B4GALT1: variants seen among roughly 807,000 people sequenced by gnomAD.
B4GALT1 encodes N-acetyllactosamine synthase.
A neutral mutation model predicts 34.9 loss-of-function variants in B4GALT1; 16 were observed. That is an observed-to-expected ratio of 0.46 (90% CI 0.31 to 0.70). The LOEUF (loss-of-function observed/expected upper bound fraction) is 0.70, where lower values mean the gene tolerates loss of function less well. Among genes scored for constraint, B4GALT1 ranks in the 30% least tolerant of loss-of-function variants. The pLI, the probability that B4GALT1 is intolerant of heterozygous loss-of-function variation, is 0.05. For missense variants in B4GALT1, 445 were observed against 530.5 expected, an observed-to-expected ratio of 0.84 and a Z score of 1.58; for synonymous variants, 221 against 218.1, an observed-to-expected ratio of 1.01 and a Z score of -0.12.
chr9:33,141,695 C>T (rs762710747), intron 1 of B4GALT1, among the ~76,000 whole-genome samples: 9 of 152,156 alleles, frequency 5.9e-5, no homozygotes, highest in Admixed American at 5.9e-4. Flanking sequence ...TCCATCAGGG[C>T]CCCTCAGTTC....
intron 1 of B4GALT1, among the ~76,000 whole-genome samples, chr9:33,148,017 G>A (rs1397917633): frequency 6.6e-6 from 1 of 151,884 alleles, no homozygotes; most frequent in Non-Finnish European, 1.5e-5. Flanking sequence ...CTGGGTGACA[G>A]AGCAAAACCC....
At position 33,129,904 on chromosome 9, in the gene B4GALT1, A is replaced by G. The variant is rs1216576883; in HGVS notation, c.648+5285T>C. Among the ~76,000 whole-genome samples the G allele has an allele frequency of 2.0e-5, 3 of 152,190 alleles. No homozygotes were observed. The East Asian group carries it at 5.8e-4, about 29-fold the overall frequency. On this transcript the variant is annotated intron_variant, in intron 2 of 5. Transcript: ENST00000379731. The stretch of plus-strand genomic sequence containing the variant: ...TCCAGTGAAGTGGAGAGGAGGAGGA[A>G]GTGGCTGGAGGTAGGTCAGGGTCTC...
intron 1 of B4GALT1, among the ~76,000 whole-genome samples, chr9:33,142,973 T>A (rs1840374747): frequency 6.6e-6 from 1 of 151,958 alleles, no homozygotes; most frequent in South Asian, 2.1e-4. Context: ...GGTAAAACCA[T>A]GTCTCTATTA....
At chr9:33,184,985 C>A in the B4GALT1 span, among the ~76,000 whole-genome samples, 2 of 152,176 alleles carry the variant, frequency 1.3e-5, no homozygotes, top group Non-Finnish European at 2.9e-5. Flanking sequence ...ACATGTCTAG[C>A]CAGCTCAGGG....
At chr9:33,138,623 T>C (rs929354731) in intron 1 of B4GALT1, among the ~76,000 whole-genome samples, 1 of 152,194 alleles carries the variant, frequency 6.6e-6, no homozygotes, top group Non-Finnish European at 1.5e-5. Flanking sequence ...TTCTTGGATG[T>C]CCATCTTTGC....
the B4GALT1 span, among the ~76,000 whole-genome samples, chr9:33,180,262 T>A: frequency 6.6e-6 from 1 of 152,252 alleles, no homozygotes; most frequent in South Asian, 2.1e-4. Context: ...ATTATTCGTC[T>A]TTGATTGGGC....
rs2118005585 is a variant in B4GALT1, at chr9:33,112,540, C to T, written c.*914G>A. 6.6e-6 allele frequency: 1 copy of T among 152,664 alleles called. No homozygotes were observed. The highest frequency in any genetic ancestry group is 2.1e-4 in the South Asian group (1 of 4,826). The allele number at this position is 152,664 out of a possible 1,614,324, so 9.5% of individuals were successfully genotyped here. Reference sequence around the variant, plus strand: ...CACTACAGCATATATTTATTTTTCTCCCTAAAAAATGCTCAATACCCCTCC... The same window carrying T: ...CACTACAGCATATATTTATTTTTCTTCCTAAAAAATGCTCAATACCCCTCC... On this transcript the variant is annotated 3_prime_UTR_variant, in exon 6 of 6. Transcript: ENST00000379731.
upstream of B4GALT1, among the ~76,000 whole-genome samples, chr9:33,167,908 G>T (rs1181142571): frequency 2.0e-5 from 3 of 152,212 alleles, no homozygotes; most frequent in African/African-American, 4.8e-5. Context: ...GCTGCTTAAC[G>T]GGGGGTCCTG....
At chr9:33,155,861 T>C (rs1165431667) in intron 1 of B4GALT1, among the ~76,000 whole-genome samples, 1 of 152,150 alleles carries the variant, frequency 6.6e-6, no homozygotes, top group African/African-American at 2.4e-5. Flanking sequence ...ATAACTAACC[T>C]CATTCACTCC....
intron 4 of B4GALT1, among the ~76,000 whole-genome samples, chr9:33,114,910 C>T (rs1043947133): frequency 1.3e-5 from 2 of 152,172 alleles, no homozygotes; most frequent in Non-Finnish European, 2.9e-5. Flanking sequence ...GATGCTCCCT[C>T]CCTCCCCAGC....
At chr9:33,117,097 T>A (rs957965198) in intron 3 of B4GALT1, among the ~76,000 whole-genome samples, 2 of 152,126 alleles carry the variant, frequency 1.3e-5, no homozygotes, top group South Asian at 4.1e-4. Context: ...ATCCAGGAAC[T>A]CCTGGAATCT....
At chr9:33,117,151 C>T (rs981047219) in intron 3 of B4GALT1, among the ~76,000 whole-genome samples, 2 of 152,158 alleles carry the variant, frequency 1.3e-5, no homozygotes, top group Non-Finnish European at 2.9e-5. Flanking sequence ...GTCACAGCCC[C>T]CCTTCCACAC....
At chr9:33,120,903 T>C (rs1279665343) in intron 2 of B4GALT1, among the ~76,000 whole-genome samples, 2 of 152,228 alleles carry the variant, frequency 1.3e-5, no homozygotes, top group Non-Finnish European at 2.9e-5. Context: ...AGTAGGGAAC[T>C]GGTTCAATAA....
chr9:33,119,301 G>C (rs974875513), intron 3 of B4GALT1, among the ~76,000 whole-genome samples: 4 of 152,182 alleles, frequency 2.6e-5, no homozygotes, highest in Middle Eastern at 3.2e-3. Context: ...ATATGCTTTG[G>C]ATAATACGCT....
chr9:33,139,594 C>T (rs1242261527), intron 1 of B4GALT1, among the ~76,000 whole-genome samples: 5 of 152,256 alleles, frequency 3.3e-5, no homozygotes, highest in East Asian at 3.8e-4. Context: ...ATGCCCTGCA[C>T]ACCTCCTGCC....
chr9:33,144,051 T>C (rs563698004), intron 1 of B4GALT1, among the ~76,000 whole-genome samples: 2 of 152,006 alleles, frequency 1.3e-5, no homozygotes, highest in Admixed American at 1.3e-4. Flanking sequence ...CAGCTAATTT[T>C]TAAATTTTTT....
At chr9:33,150,679 G>A (rs1840503987) in intron 1 of B4GALT1, among the ~76,000 whole-genome samples, 1 of 152,108 alleles carries the variant, frequency 6.6e-6, no homozygotes, top group Non-Finnish European at 1.5e-5. Context: ...AAATATGTAT[G>A]TGTTAAAATT....
At chr9:33,129,710 G>A (rs1033748999) in intron 2 of B4GALT1, among the ~76,000 whole-genome samples, 1 of 152,138 alleles carries the variant, frequency 6.6e-6, no homozygotes, top group Non-Finnish European at 1.5e-5. Context: ...TGAGCAGCCT[G>A]GGAGCAGCAG....
At chr9:33,132,712 G>A (rs1840211930) in intron 2 of B4GALT1, among the ~76,000 whole-genome samples, 2 of 152,122 alleles carry the variant, frequency 1.3e-5, no homozygotes, top group African/African-American at 4.8e-5. Context: ...TTAAGCTGAT[G>A]GCTAGATTTT....
Sources: gnomAD v4.1 joint callset for allele counts (sites outside exome capture counted in the v4.1 genomes callset) on GRCh38, gnomAD v4.1.1 for gene constraint, MANE v1.5 for transcripts, NCBI Gene and HGNC (gene_info 2026-07-23, HGNC 2026-07-21) for gene names.